The following ACKR3 variants were observed in gnomAD, a reference collection of about 807,000 sequenced individuals.
ACKR3 encodes the protein C-X-C chemokine receptor type 7.
A neutral mutation model predicts 22.4 loss-of-function variants in ACKR3; 6 were observed. The ratio of observed to expected loss-of-function variants is 0.27; its 90% CI spans 0.15 to 0.53. The LOEUF is 0.53. Ranked by LOEUF, ACKR3 falls within the 20% of genes least tolerant of loss-of-function variation. ACKR3 has a pLI of 0.96. For synonymous variants in ACKR3, 209 were observed against 205.2 expected (o/e 1.02, Z -0.16); for missense variants, 396 against 475.2 (o/e 0.83, Z 1.55).
At chr2:236,551,091 C>T in the ACKR3 span, among the ~76,000 whole-genome samples, 1 of 152,208 alleles carries the variant, frequency 6.6e-6, no homozygotes, top group Non-Finnish European at 1.5e-5. Context: ...CTGCTGGGCT[C>T]TTCCACAAGT....
chr2:236,567,486 A>G (rs1364948946), upstream of ACKR3, among the ~76,000 whole-genome samples: 1 of 152,248 alleles, frequency 6.6e-6, no homozygotes, highest in Non-Finnish European at 1.5e-5. Context: ...CAAAACTTTG[A>G]AAAGAGACTT....
chr2:236,581,428 C>G lies in ACKR3; in HGVS notation c.963C>G (p.Asn321Lys), dbSNP rs374504172. Residue 321 changes from asparagine (N) to lysine (K), a missense_variant, in exon 2 of 2, where the codon AAC becomes AAG. Asn to Lys is a moderately conservative substitution (Grantham distance 94, BLOSUM62 0). Transcript: ENST00000272928. This position sits in a 1 kb window ranked among gnomAD's most constrained non-coding sequence, Gnocchi z 4.4. ...TCCTCTACAGCTTCATCAATCGCAA[C>G]TACAGGTACGAGCTGATGAAGGCCT... ...NPVLYSFINRNYRYELMKAFI... is the reference protein window; with the variant it reads ...NPVLYSFINRKYRYELMKAFI... 1 of 1,614,174 alleles carries G rather than the reference C, an allele frequency of 6.2e-7. No homozygotes were observed.
the ACKR3 span, among the ~76,000 whole-genome samples, chr2:236,555,536 A>G: frequency 6.6e-6 from 1 of 152,176 alleles, no homozygotes; most frequent in East Asian, 1.9e-4. Flanking sequence ...CTGGTCATGA[A>G]ACTAAGAAGA....
At chr2:236,552,035 G>T in the ACKR3 span, among the ~76,000 whole-genome samples, 1 of 152,146 alleles carries the variant, frequency 6.6e-6, no homozygotes, top group Non-Finnish European at 1.5e-5. Context: ...CAGCATTTGG[G>T]TAACTGAAAC....
upstream of ACKR3, among the ~76,000 whole-genome samples, chr2:236,563,850 G>A (rs1691126684): frequency 6.6e-6 from 1 of 152,150 alleles, no homozygotes; most frequent in African/African-American, 2.4e-5. Context: ...CAGCCGCTGT[G>A]CCCCCACAGG....
In ACKR3 at chr2:236,580,528, C is replaced by G. The variant is rs1414821913; in HGVS notation, c.63C>G (p.Cys21Trp). ...PGNFSDISWP[C>W]NSSDCIVVDT... ...ACTTCTCGGACATCAGCTGGCCATG[C>G]AACAGCAGCGACTGCATCGTGGTGG... Residue 21 changes from cysteine to tryptophan, a missense_variant, in exon 2 of 2, where the codon TGC becomes TGG. Coordinates refer to ENST00000272928, the MANE Select transcript of ACKR3 (RefSeq NM_020311.3). 1 of 1,614,254 alleles carries G rather than the reference C, an allele frequency of 6.2e-7. No individual in the cohort carries two copies. The highest frequency in any genetic ancestry group is 8.5e-7 in the Non-Finnish European group (1 of 1,180,040).
the ACKR3 span, among the ~76,000 whole-genome samples, chr2:236,559,625 C>T: frequency 1.7e-4 from 26 of 152,166 alleles, no homozygotes; most frequent in Non-Finnish European, 3.1e-4. Context: ...TAATGAAAAG[C>T]ACAGATCTTA....
the ACKR3 span, among the ~76,000 whole-genome samples, chr2:236,560,316 C>CTTTTTTTTT: frequency 4.2e-5 from 5 of 118,934 alleles, 1 homozygote; most frequent in African/African-American, 6.6e-5. Flanking sequence ...CACTTGTTGC[C>CTTTTTTTTT]TTTTTTTTTT....
intron 1 of ACKR3, among the ~76,000 whole-genome samples, chr2:236,571,840 GA>G (rs1004327413): frequency 7.2e-5 from 11 of 152,028 alleles, no homozygotes; most frequent in African/African-American, 1.7e-4. Flanking sequence ...CAAAACTTTA[GA>G]TTTTTTTTTT....
the ACKR3 span, among the ~76,000 whole-genome samples, chr2:236,549,947 C>T: frequency 1.3e-5 from 2 of 152,208 alleles, no homozygotes; most frequent in Admixed American, 1.3e-4. This position sits in a 1 kb window ranked among gnomAD's most constrained non-coding sequence, Gnocchi z 5.3. Context: ...GAATTTCTAG[C>T]TGTCTGGTGT....
intron 1 of ACKR3, among the ~76,000 whole-genome samples, chr2:236,578,026 G>A (rs1302880834): frequency 1.3e-5 from 2 of 152,240 alleles, no homozygotes; most frequent in Non-Finnish European, 2.9e-5. Flanking sequence ...AATGTGTTTC[G>A]TTTTAAGGAA....
upstream of ACKR3, among the ~76,000 whole-genome samples, chr2:236,562,809 G>A (rs947467621): frequency 6.6e-6 from 1 of 152,182 alleles, no homozygotes; most frequent in African/African-American, 2.4e-5. Context: ...GCATTATGAG[G>A]CGGGTGTGGG....
intron 1 of ACKR3, among the ~76,000 whole-genome samples, chr2:236,575,242 C>A (rs911864455): frequency 1.3e-5 from 2 of 152,176 alleles, no homozygotes; most frequent in African/African-American, 4.8e-5. Context: ...CTACAAGTCT[C>A]CTTTTGTTCC....
chr2:236,566,320 G>T (rs1691179354), upstream of ACKR3, among the ~76,000 whole-genome samples: 1 of 152,190 alleles, frequency 6.6e-6, no homozygotes, highest in African/African-American at 2.4e-5. Flanking sequence ...AAACATCCAG[G>T]AACTTTTAGT....
chr2:236,553,718 A>C, the ACKR3 span, among the ~76,000 whole-genome samples: 1 of 152,286 alleles, frequency 6.6e-6, no homozygotes, highest in Admixed American at 6.5e-5. Flanking sequence ...GGGCACCAGC[A>C]AGCCTATGTT....
chr2:236,538,249 G>A, the ACKR3 span, among the ~76,000 whole-genome samples: 1 of 152,212 alleles, frequency 6.6e-6, no homozygotes, highest in African/African-American at 2.4e-5. Context: ...GTTATTGAGT[G>A]TGTTCTGCAA....
At chr2:236,559,757 A>T in the ACKR3 span, among the ~76,000 whole-genome samples, 20 of 152,134 alleles carry the variant, frequency 1.3e-4, no homozygotes, top group African/African-American at 3.9e-4. Context: ...ACCTCTAGAG[A>T]TGACTATTTG....
At chr2:236,563,575 A>G (rs1691118099), upstream of ACKR3, among the ~76,000 whole-genome samples, 2 of 152,222 alleles carry the variant, frequency 1.3e-5, no homozygotes. Context: ...CAGGCCAGAA[A>G]GAGAATTCCA....
chr2:236,545,681 C>T, the ACKR3 span, among the ~76,000 whole-genome samples: 5 of 152,126 alleles, frequency 3.3e-5, no homozygotes, highest in South Asian at 8.3e-4. This position sits in a 1 kb window ranked among gnomAD's most constrained non-coding sequence, Gnocchi z 5.3. Flanking sequence ...TGAAACACTA[C>T]GATTTCATGG....
Sources: allele counts gnomAD v4.1 joint callset (sites outside exome capture counted in the v4.1 genomes callset), GRCh38; gene constraint gnomAD v4.1.1; non-coding constraint Gnocchi (gnomAD v3.1); transcripts MANE v1.5; gene names NCBI Gene and HGNC (gene_info 2026-07-23, HGNC 2026-07-21).